Variants in ZMAT4 observed in about 807,000 individuals in gnomAD.
ZMAT4 encodes the protein zinc finger matrin-type protein 4.
Under a neutral mutation model 28.7 loss-of-function variants are expected in ZMAT4, and 17 were observed. The ratio of observed to expected loss-of-function variants is 0.59; its 90% CI spans 0.41 to 0.89. The LOEUF (loss-of-function observed/expected upper bound fraction) is 0.89. ZMAT4 is among the 40% of genes least tolerant of loss of function. The pLI is 0.00. For synonymous variants in ZMAT4, 117 were observed against 109.2 expected (o/e 1.07, Z -0.44); for missense variants, 240 against 283.8 (o/e 0.85, Z 1.11).
In ZMAT4 at chr8:40,772,024, A is replaced by G. The variant is rs571258781; in HGVS notation, c.103-4294T>C. 3.3e-5 allele frequency among the ~76,000 whole-genome samples: 5 copies of G among 152,288 alleles called. No homozygotes were observed. The South Asian group carries it at 1.0e-3, about 32-fold the overall frequency. ...GTATATATTACAGAGTTTCAGGGGG[A>G]AAAAAAGAACCATTACATTAAGGGA... is the stretch of plus-strand genomic sequence containing the variant. On this transcript the variant is annotated intron_variant, in intron 2 of 6. Coordinates refer to ENST00000297737, the MANE Select transcript of ZMAT4 (RefSeq NM_024645.3).
chr8:40,871,511 A>G (rs982946735), intron 1 of ZMAT4, among the ~76,000 whole-genome samples: 4 of 152,256 alleles, frequency 2.6e-5, no homozygotes, highest in South Asian at 2.1e-4. Flanking sequence ...GTTGCAATAT[A>G]CAAGGAATTC....
intron 3 of ZMAT4, among the ~76,000 whole-genome samples, chr8:40,732,612 G>A (rs969014900): frequency 5.9e-5 from 9 of 152,242 alleles, no homozygotes; most frequent in African/African-American, 1.9e-4. Flanking sequence ...AGGAAGGACA[G>A]TCTATAGCTA....
chr8:40,579,869 C>A (rs1327281588), intron 6 of ZMAT4, among the ~76,000 whole-genome samples: 1 of 152,112 alleles, frequency 6.6e-6, no homozygotes, highest in Non-Finnish European at 1.5e-5. Context: ...GCACTAGTGT[C>A]CCCTAAAGCT....
intron 5 of ZMAT4, among the ~76,000 whole-genome samples, chr8:40,611,157 C>T (rs1029760521): frequency 6.6e-6 from 1 of 152,110 alleles, no homozygotes; most frequent in Non-Finnish European, 1.5e-5. Flanking sequence ...TGACTTTGCT[C>T]TTTCATTTTA....
Position 40,646,391 on chromosome 8 carries a change from C to A in ZMAT4, c.577+28313G>T, listed in dbSNP as rs138621308. On this transcript the variant is annotated intron_variant, in intron 5 of 6. Transcript: ENST00000297737. ...AAGTATTATTGTAAACATACTTTAACTTTTTATTCTACTTAGAATTAATAT... is the reference window on the plus strand; with the variant it reads ...AAGTATTATTGTAAACATACTTTAAATTTTTATTCTACTTAGAATTAATAT... Among the ~76,000 whole-genome samples the A allele has an allele frequency of 2.0e-4, 30 of 151,704 alleles. No individual in the cohort carries two copies. In the East Asian group the frequency reaches 4.7e-3, roughly 24 times the overall value.
At chr8:40,713,874 A>T (rs1585924110) in intron 3 of ZMAT4, among the ~76,000 whole-genome samples, 1 of 147,644 alleles carries the variant, frequency 6.8e-6, no homozygotes, top group East Asian at 2.0e-4. Flanking sequence ...CCACCACTGC[A>T]CTCCAGCCTG....
chr8:40,569,878 T>G (rs573595323), intron 6 of ZMAT4, among the ~76,000 whole-genome samples: 1 of 152,080 alleles, frequency 6.6e-6, no homozygotes, highest in Admixed American at 6.6e-5. Flanking sequence ...CAGACAACCT[T>G]CTGCCAGCTG....
At chr8:40,726,279 C>T (rs1463541772) in intron 3 of ZMAT4, among the ~76,000 whole-genome samples, 4 of 152,142 alleles carry the variant, frequency 2.6e-5, no homozygotes, top group African/African-American at 7.2e-5. Context: ...CAGAGTAAAC[C>T]TGGTTCAAAT....
At position 40,559,448 on chromosome 8, in the gene ZMAT4, T is replaced by C. The variant is rs1173623293; in HGVS notation, c.674+21717A>G. 4.6e-5 allele frequency among the ~76,000 whole-genome samples: 7 copies of C among 152,200 alleles called. No homozygotes were observed. In the South Asian group the frequency reaches 1.2e-3, roughly 27 times the overall value. On this transcript the variant is annotated intron_variant, in intron 6 of 6. Transcript: ENST00000297737. The stretch of plus-strand genomic sequence containing the variant: ...CCTCCTCCTAACATAACCTAACCCC[T>C]TCATGAATATTCATACCTCCTCCTA...
At chr8:40,558,641 C>T (rs1803626279) in intron 6 of ZMAT4, among the ~76,000 whole-genome samples, 1 of 152,078 alleles carries the variant, frequency 6.6e-6, no homozygotes, top group Non-Finnish European at 1.5e-5. Context: ...TGGCTGACAT[C>T]AAGTATTCTC....
chr8:40,661,617 GAAAC>G (rs1808199603), intron 5 of ZMAT4, among the ~76,000 whole-genome samples: 1 of 152,142 alleles, frequency 6.6e-6, no homozygotes, highest in Non-Finnish European at 1.5e-5. Flanking sequence ...TATAATTTTA[GAAAC>G]AAACAAAATA....
intron 3 of ZMAT4, among the ~76,000 whole-genome samples, chr8:40,747,370 G>A (rs1376875782): frequency 1.3e-5 from 2 of 152,204 alleles, no homozygotes; most frequent in Admixed American, 6.5e-5. Flanking sequence ...AATGCACACA[G>A]GAGTATAGAT....
At chr8:40,622,990 A>G (rs2014324) in intron 5 of ZMAT4, among the ~76,000 whole-genome samples, 147,236 of 152,286 alleles carry the variant, frequency 0.97, 71,378 homozygotes, top group East Asian at 1. Context: ...GTTAGATAGT[A>G]GTTACACTTC....
chr8:40,618,818 C>T (rs866589772), intron 5 of ZMAT4, among the ~76,000 whole-genome samples: 8 of 152,296 alleles, frequency 5.3e-5, no homozygotes, highest in South Asian at 2.1e-4. Context: ...GTTCAAATGG[C>T]ATCTTGGTTT....
intron 2 of ZMAT4, among the ~76,000 whole-genome samples, chr8:40,792,487 G>GGAAGGAAA (rs1192488723): frequency 0.05 from 777 of 15,680 alleles, 40 homozygotes; most frequent in Non-Finnish European, 0.073. Flanking sequence ...AAGGAAGGAA[G>GGAAGGAAA]GAAGGAAGGA....
chr8:40,565,188 A>G (rs1803876520), intron 6 of ZMAT4, among the ~76,000 whole-genome samples: 3 of 152,174 alleles, frequency 2.0e-5, no homozygotes, highest in Admixed American at 2.0e-4. Flanking sequence ...CTTAATAGCA[A>G]TGAAATATTC....
chr8:40,827,370 G>T (rs1423225719), intron 1 of ZMAT4, among the ~76,000 whole-genome samples: 2 of 152,214 alleles, frequency 1.3e-5, no homozygotes, highest in African/African-American at 4.8e-5. Context: ...ACATCCTGAT[G>T]TTGGCAAGAT....
At chr8:40,710,407 T>A (rs965758581) in intron 3 of ZMAT4, among the ~76,000 whole-genome samples, 2 of 152,204 alleles carry the variant, frequency 1.3e-5, no homozygotes, top group African/African-American at 4.8e-5. Flanking sequence ...GCAGATGGCA[T>A]ACAGGCGAGT....
intron 3 of ZMAT4, among the ~76,000 whole-genome samples, chr8:40,727,133 T>C (rs1811345937): frequency 6.6e-6 from 1 of 152,170 alleles, no homozygotes; most frequent in Admixed American, 6.6e-5. Context: ...TAGTTAGTGG[T>C]TTGGAGGTCT....
Sources: gnomAD v4.1 joint callset for allele counts (sites outside exome capture counted in the v4.1 genomes callset) on GRCh38, gnomAD v4.1.1 for gene constraint, MANE v1.5 for transcripts, NCBI Gene and HGNC (gene_info 2026-07-23, HGNC 2026-07-21) for gene names.